DOCK4: variants seen among roughly 807,000 people sequenced by gnomAD.
The protein encoded by DOCK4 is dedicator of cytokinesis protein 4.
Under a neutral mutation model 268.1 loss-of-function variants are expected in DOCK4, and 97 were observed. The observed-to-expected ratio is 0.36, with a 90% CI of 0.31 to 0.43. DOCK4 has a LOEUF of 0.43. Among genes scored for constraint, DOCK4 ranks in the 20% least tolerant of loss-of-function variants. The pLI, the probability that DOCK4 is intolerant of heterozygous loss-of-function variation, is 1.00. For synonymous variants in DOCK4, 954 were observed against 887.2 expected (o/e 1.08, Z -1.34); for missense variants, 2,145 against 2,455.7 (o/e 0.87, Z 2.67).
chr7:111,934,678 T>A (rs940304941), intron 12 of DOCK4, among the ~76,000 whole-genome samples: 1 of 151,152 alleles, frequency 6.6e-6, no homozygotes, highest in African/African-American at 2.4e-5. Context: ...TACAGGTGCC[T>A]GCCACCATGC....
chr7:112,189,686 G>A (rs1819757474), intron 1 of DOCK4, among the ~76,000 whole-genome samples: 1 of 151,108 alleles, frequency 6.6e-6, no homozygotes, highest in African/African-American at 2.4e-5. Context: ...GCGGTTGGTG[G>A]TAGGTTTCTT....
At chr7:112,173,154 T>C (rs1818223626) in intron 1 of DOCK4, among the ~76,000 whole-genome samples, 1 of 152,226 alleles carries the variant, frequency 6.6e-6, no homozygotes, top group East Asian at 1.9e-4. Flanking sequence ...ATTTGCCTTA[T>C]TACTTTAGCG....
At chr7:112,200,203 TA>T (rs1369049154) in intron 1 of DOCK4, among the ~76,000 whole-genome samples, 4 of 152,172 alleles carry the variant, frequency 2.6e-5, no homozygotes, top group Non-Finnish European at 4.4e-5. Flanking sequence ...TAGTGACAAG[TA>T]TTTTTTTTAA....
Position 111,735,081 on chromosome 7 carries a change from G to T in DOCK4, c.5392C>A (p.Pro1798Thr), listed in dbSNP as rs201460298. 1.3e-6 allele frequency: 2 copies of T among 1,598,282 alleles called. No homozygotes were observed. Among genetic ancestry groups the T allele is most frequent in the Non-Finnish European group, 1.7e-6 (2 of 1,172,074 alleles). The change falls in exon 51 of 53, where the codon CCT becomes ACT. Residue 1798 changes from proline (P) to threonine (T), a missense_variant. Pro to Thr is a conservative substitution (Grantham distance 38). This residue lies in a region of DOCK4 where 547 missense variants were observed against 469.0 expected (regional missense o/e 1.17). Transcript: ENST00000428084. ...MSDSGKLISP[P>T]VPPRPTQTAS... ...GTCTGTGTGGGTCTTGGAGGGACAG[G>T]GGGAGAGATAAGTTTCCCACTATCC... is the stretch of plus-strand genomic sequence containing the variant.
At position 111,869,563 on chromosome 7, in the gene DOCK4, C is replaced by G. The variant is rs746395672; in HGVS notation, c.2109+11G>C. 3 of 1,612,704 alleles carry G rather than the reference C, an allele frequency of 1.9e-6. No homozygotes were observed. Among genetic ancestry groups the G allele is most frequent in the South Asian group, 2.2e-5 (2 of 91,054 alleles). On this transcript the variant is annotated intron_variant, in intron 21 of 52. Transcript: ENST00000428084. ...TGTTAGACTCTGCTGTTATCAACAG[C>G]ATGTTATCACCTTCAGCACCTCCTG...
In DOCK4 at chr7:111,959,545, A is replaced by G. The variant is rs371058059; in HGVS notation, c.702-13747T>C. Among the ~76,000 whole-genome samples, 34 of 152,320 alleles carry G rather than the reference A, an allele frequency of 2.2e-4. 1 individual carries two copies. In the East Asian group the frequency reaches 5.0e-3, roughly 22 times the overall value. On this transcript the variant is annotated intron_variant, in intron 8 of 52. Transcript: ENST00000428084. ...GCACAGTGCAGGGAGTGAAAAAGCC[A>G]TATCTGCTCTCTTAACTATGTTATG... is the stretch of plus-strand genomic sequence containing the variant.
chr7:111,817,340 C>G (rs556227248), intron 27 of DOCK4, among the ~76,000 whole-genome samples: 41 of 152,162 alleles, frequency 2.7e-4, no homozygotes, highest in Non-Finnish European at 5.3e-4. Context: ...GTAGCTGTGT[C>G]AATGGATGCT....
intron 1 of DOCK4, among the ~76,000 whole-genome samples, chr7:112,050,174 A>C (rs935603806): frequency 7.2e-5 from 11 of 152,158 alleles, no homozygotes; most frequent in African/African-American, 2.7e-4. Flanking sequence ...AGCACAAATA[A>C]AATCTGGCAC....
At chr7:112,195,924 G>A (rs10254710) in intron 1 of DOCK4, among the ~76,000 whole-genome samples, 39,752 of 151,992 alleles carry the variant, frequency 0.26, 5,759 homozygotes, top group African/African-American at 0.39. Context: ...CCACGAGGGG[G>A]CACAAATGGG....
intron 1 of DOCK4, among the ~76,000 whole-genome samples, chr7:112,099,997 C>T (rs1213857426): frequency 6.6e-6 from 1 of 152,112 alleles, no homozygotes; most frequent in Non-Finnish European, 1.5e-5. Flanking sequence ...TCTTAATGTT[C>T]TAGGTTATTA....
At chr7:111,835,228 T>C (rs968015267) in intron 25 of DOCK4, among the ~76,000 whole-genome samples, 3 of 152,212 alleles carry the variant, frequency 2.0e-5, no homozygotes, top group African/African-American at 7.2e-5. Context: ...TGCTCCATTT[T>C]TGAATTCAAA....
At chr7:111,850,737 C>G (rs1206839391) in intron 23 of DOCK4, among the ~76,000 whole-genome samples, 1 of 152,074 alleles carries the variant, frequency 6.6e-6, no homozygotes, top group Non-Finnish European at 1.5e-5. Flanking sequence ...TGACCCCCAC[C>G]CCTGCCCTCA....
At chr7:111,830,286 C>T (rs182181596) in intron 26 of DOCK4, among the ~76,000 whole-genome samples, 62 of 152,140 alleles carry the variant, frequency 4.1e-4, no homozygotes, top group African/African-American at 1.4e-3. Flanking sequence ...ATCCGCCGGG[C>T]GTGGTGGCGC....
At chr7:111,777,854 C>T (rs912725314) in intron 36 of DOCK4, among the ~76,000 whole-genome samples, 1 of 152,160 alleles carries the variant, frequency 6.6e-6, no homozygotes, top group Non-Finnish European at 1.5e-5. Context: ...TGTCTTTTGC[C>T]TTTCACCATG....
At chr7:112,131,973 AG>A (rs1401659368) in intron 1 of DOCK4, among the ~76,000 whole-genome samples, 2 of 152,188 alleles carry the variant, frequency 1.3e-5, no homozygotes, top group Non-Finnish European at 2.9e-5. Flanking sequence ...AGAAGAAAAA[AG>A]GGATCCCTTC....
intron 1 of DOCK4, among the ~76,000 whole-genome samples, chr7:112,187,184 C>T (rs535869266): frequency 3.0e-4 from 45 of 152,174 alleles, no homozygotes; most frequent in African/African-American, 1.1e-3. Context: ...AAATAACTCA[C>T]GTGTTACAAC....
At chr7:111,890,881 C>T (rs1215191013) in intron 16 of DOCK4, among the ~76,000 whole-genome samples, 2 of 152,200 alleles carry the variant, frequency 1.3e-5, no homozygotes, top group Admixed American at 6.5e-5. Context: ...CAATACTCTA[C>T]TACAAACCAG....
intron 31 of DOCK4, among the ~76,000 whole-genome samples, chr7:111,790,143 C>CT (rs1205939109): frequency 1.3e-5 from 2 of 152,170 alleles, no homozygotes; most frequent in Non-Finnish European, 1.5e-5. Context: ...CATTAACTCT[C>CT]TGATTCTTCT....
chr7:111,782,830 G>A (rs749407962), intron 35 of DOCK4, 34 bp downstream of exon 35: 1 of 1,603,954 alleles, frequency 6.2e-7, no homozygotes, highest in Non-Finnish European at 8.5e-7. Context: ...CAAGTATTAG[G>A]AGAAAAGGAG....
Sources: allele counts gnomAD v4.1 joint callset (sites outside exome capture counted in the v4.1 genomes callset), GRCh38; gene constraint gnomAD v4.1.1; regional missense constraint gnomAD v4.1.1; transcripts MANE v1.5; gene names NCBI Gene and HGNC (gene_info 2026-07-23, HGNC 2026-07-21).